SEZ6L: variants seen among roughly 807,000 people sequenced by gnomAD.
The protein encoded by SEZ6L is seizure related 6 homolog like.
Under a neutral mutation model 106.2 loss-of-function variants are expected in SEZ6L, and 37 were observed. The observed-to-expected ratio is 0.35, with a 90% CI of 0.27 to 0.46. The LOEUF is 0.46. Among genes scored for constraint, SEZ6L ranks in the 20% least tolerant of loss-of-function variants. The pLI is 1.00. For synonymous variants in SEZ6L, 541 were observed against 570.4 expected (o/e 0.95, Z 0.73); for missense variants, 1,172 against 1,332.8 (o/e 0.88, Z 1.88).
intron 1 of SEZ6L, among the ~76,000 whole-genome samples, chr22:26,287,683 C>T (rs959939889): frequency 1.2e-4 from 18 of 152,116 alleles, no homozygotes; most frequent in African/African-American, 3.4e-4. Context: ...GTACAATTTT[C>T]GCTAATTCCC....
chr22:26,267,829 G>A (rs753232718), intron 1 of SEZ6L, among the ~76,000 whole-genome samples: 1 of 152,194 alleles, frequency 6.6e-6, no homozygotes, highest in Non-Finnish European at 1.5e-5. Context: ...TGCAGGGAAG[G>A]TGACTGAAAT....
chr22:26,326,404 A>G lies in SEZ6L; in HGVS notation c.2015+12502A>G, dbSNP rs1441996011. ...CATGTGGCTAGAGTTGCATCCAATTATCAGAGGTCTGGAGATGACAATCAT... is the reference window on the plus strand; with the variant it reads ...CATGTGGCTAGAGTTGCATCCAATTGTCAGAGGTCTGGAGATGACAATCAT... On this transcript the variant is annotated intron_variant, in intron 9 of 16. Transcript: ENST00000248933. Among the ~76,000 whole-genome samples the G allele has an allele frequency of 2.6e-5, 4 of 152,228 alleles. No individual in the cohort carries two copies. The South Asian group carries it at 8.3e-4, about 32-fold the overall frequency.
At chr22:26,219,254 GT>G (rs10635478) in intron 1 of SEZ6L, among the ~76,000 whole-genome samples, 4,951 of 135,096 alleles carry the variant, frequency 0.037, 289 homozygotes, top group African/African-American at 0.11. Context: ...AGAAATACAA[GT>G]TTTTTTTTTT....
At chr22:26,306,294 C>G in intron 6 of SEZ6L, 150 bp downstream of exon 6, 2 of 846,066 alleles carry the variant, frequency 2.4e-6, no homozygotes, top group South Asian at 1.9e-5. Flanking sequence ...TCTTAGACAC[C>G]ATCAGCTTCA....
chr22:26,187,152 T>A (rs1054218096), intron 1 of SEZ6L, among the ~76,000 whole-genome samples: 1 of 152,180 alleles, frequency 6.6e-6, no homozygotes, highest in Non-Finnish European at 1.5e-5. Flanking sequence ...GACTCACAGT[T>A]CTGCATGGCT....
At position 26,357,259 on chromosome 22, in the gene SEZ6L, T is replaced by A. The variant is rs923391498; in HGVS notation, c.2599+6016T>A. Among the ~76,000 whole-genome samples the A allele has an allele frequency of 6.6e-5, 10 of 152,282 alleles. No individual in the cohort carries two copies. The East Asian group carries it at 1.2e-3, about 18-fold the overall frequency. On this transcript the variant is annotated intron_variant, in intron 12 of 16. Coordinates refer to ENST00000248933, the MANE Select transcript of SEZ6L (RefSeq NM_021115.5). The stretch of plus-strand genomic sequence containing the variant: ...TGTGCCCGGCCCTCAGAACTTTTTT[T>A]AAAAATCCCACAGCACCCCCTGTGA...
At chr22:26,268,148 G>A (rs1021569522) in intron 1 of SEZ6L, among the ~76,000 whole-genome samples, 1 of 152,186 alleles carries the variant, frequency 6.6e-6, no homozygotes, top group Admixed American at 6.5e-5. Flanking sequence ...TGCCTCAGGA[G>A]TTTCCTTTGT....
intron 11 of SEZ6L, among the ~76,000 whole-genome samples, chr22:26,348,650 G>GAAAGAAAGAA (rs2083126444): frequency 4.2e-4 from 8 of 18,878 alleles, no homozygotes; most frequent in African/African-American, 6.4e-4. Flanking sequence ...GAAAGAAAAA[G>GAAAGAAAGAA]AAAGAAAGAA....
intron 1 of SEZ6L, among the ~76,000 whole-genome samples, chr22:26,198,712 G>T (rs925289620): frequency 1.3e-5 from 2 of 152,206 alleles, no homozygotes; most frequent in African/African-American, 4.8e-5. Context: ...GGCCAACAGG[G>T]CCTCGCTAGT....
chr22:26,170,629 G>A (rs1028101875), intron 1 of SEZ6L, among the ~76,000 whole-genome samples: 4 of 152,128 alleles, frequency 2.6e-5, no homozygotes, highest in Non-Finnish European at 4.4e-5. Context: ...AAAGTTATGG[G>A]TGGGGGAGAG....
At chr22:26,369,354 T>TTTTTTTTTTTTTTTTTTTTTTTA (rs1568952186) in intron 13 of SEZ6L, among the ~76,000 whole-genome samples, 1 of 118,654 alleles carries the variant, frequency 8.4e-6, no homozygotes, top group African/African-American at 3.3e-5. Context: ...TTGTTTTTTT[T>TTTTTTTTTTTTTTTTTTTTTTTA]TTTGAGACAG....
intron 1 of SEZ6L, among the ~76,000 whole-genome samples, chr22:26,195,803 AG>A (rs1426329882): frequency 1.3e-5 from 2 of 151,700 alleles, no homozygotes; most frequent in African/African-American, 4.9e-5. Flanking sequence ...ATATATATAT[AG>A]TTTGTGTGTG....
chr22:26,207,261 T>C (rs1941320048), intron 1 of SEZ6L, among the ~76,000 whole-genome samples: 1 of 152,200 alleles, frequency 6.6e-6, no homozygotes, highest in African/African-American at 2.4e-5. Flanking sequence ...CCACAAGGCA[T>C]GGTAACCACC....
intron 10 of SEZ6L, among the ~76,000 whole-genome samples, chr22:26,342,258 C>T (rs890368778): frequency 7.2e-5 from 11 of 152,174 alleles, no homozygotes; most frequent in African/African-American, 2.7e-4. Flanking sequence ...ATTAGACTGG[C>T]ATCTTGATTT....
intron 16 of SEZ6L, 58 bp downstream of exon 16, chr22:26,377,833 A>C (rs1426592189): frequency 7.9e-7 from 1 of 1,262,750 alleles, no homozygotes; most frequent in Non-Finnish European, 1.2e-6. Flanking sequence ...TGAATTCACC[A>C]ACAATAAGAC....
intron 1 of SEZ6L, among the ~76,000 whole-genome samples, chr22:26,255,039 T>C (rs1350387966): frequency 3.9e-5 from 6 of 152,330 alleles, no homozygotes; most frequent in South Asian, 2.1e-4. Context: ...CTGGGATACA[T>C]TGTGCAGACC....
rs761157651 is a variant in SEZ6L at position 26,377,690 on chromosome 22, A to G, written c.2960A>G (p.Asn987Ser). 6.2e-7 allele frequency: 1 copy of G among 1,612,802 alleles called. No individual in the cohort carries two copies. The highest frequency in any genetic ancestry group is 1.7e-5 in the Admixed American group (1 of 59,890). ...IYITRCRYYS[N>S]LRLPLMYSHP... The stretch of plus-strand genomic sequence containing the variant: ...TCCCCCAGATGTCGCTACTATTCCA[A>G]CCTCCGCCTGCCTCTGATGTACTCC... The change falls in exon 16 of 17, where the codon AAC (asparagine) becomes AGC (serine). Residue 987 changes from asparagine to serine, a missense_variant. Asn to Ser is a conservative substitution (Grantham distance 46). Coordinates refer to ENST00000248933, the MANE Select transcript of SEZ6L (RefSeq NM_021115.5).
At chr22:26,221,705 T>A (rs1042628930) in intron 1 of SEZ6L, among the ~76,000 whole-genome samples, 4 of 151,978 alleles carry the variant, frequency 2.6e-5, no homozygotes, top group Non-Finnish European at 5.9e-5. Context: ...GTACCTGGTG[T>A]GTGTGCACCT....
chr22:26,253,744 T>C (rs2079698493), intron 1 of SEZ6L, among the ~76,000 whole-genome samples: 1 of 152,228 alleles, frequency 6.6e-6, no homozygotes, highest in Non-Finnish European at 1.5e-5. Flanking sequence ...CTTAGGTTCC[T>C]GTGTATGTAT....
Sources: gnomAD v4.1 joint callset for allele counts (sites outside exome capture counted in the v4.1 genomes callset) on GRCh38, gnomAD v4.1.1 for gene constraint, MANE v1.5 for transcripts, NCBI Gene and HGNC (gene_info 2026-07-23, HGNC 2026-07-21) for gene names.